Variants in PARP11 observed in about 807,000 individuals in gnomAD.
PARP11 encodes the protein protein mono-ADP-ribosyltransferase PARP11.
PARP11 carries 31 observed loss-of-function variants against 42.9 expected under a neutral mutation model. The observed-to-expected ratio is 0.72, with a 90% CI of 0.54 to 0.98. The LOEUF is 0.98. Ranked by LOEUF, PARP11 falls within the 50% of genes least tolerant of loss-of-function variation. PARP11 has a pLI of 0.00. For missense variants in PARP11, 365 were observed against 413.1 expected (o/e 0.88, Z 1.01); for synonymous variants, 137 against 127.3 (o/e 1.08, Z -0.51).
intron 3 of PARP11, among the ~76,000 whole-genome samples, chr12:3,826,951 C>A (rs1057395354): frequency 2.6e-5 from 4 of 152,174 alleles, no homozygotes; most frequent in African/African-American, 9.7e-5. Flanking sequence ...TAATTGACAT[C>A]ATTCCATTTC....
At chr12:3,833,910 G>A (rs931454301) in intron 1 of PARP11, among the ~76,000 whole-genome samples, 1 of 152,180 alleles carries the variant, frequency 6.6e-6, no homozygotes, top group African/African-American at 2.4e-5. Flanking sequence ...AGGGCAGGCT[G>A]CTGGTGTTTC....
At chr12:3,839,925 C>A in intron 1 of PARP11, 4 of 1,117,782 alleles carry the variant, frequency 3.6e-6, no homozygotes, top group Non-Finnish European at 5.5e-6. Flanking sequence ...AGGATGACAG[C>A]TGCAAGAGTA....
chr12:3,832,012 C>T (rs986794321), intron 1 of PARP11: 11 of 297,702 alleles, frequency 3.7e-5, no homozygotes, highest in African/African-American at 6.9e-5. Flanking sequence ...ATTTGCCTTA[C>T]GAGTTCTATC....
chr12:3,867,435 A>G (rs911473176), intron 1 of PARP11, among the ~76,000 whole-genome samples: 2 of 152,190 alleles, frequency 1.3e-5, no homozygotes, highest in African/African-American at 4.8e-5. Flanking sequence ...AAACAAAAAA[A>G]TTCTTCATAA....
intron 1 of PARP11, among the ~76,000 whole-genome samples, chr12:3,838,654 A>G (rs930636988): frequency 6.6e-6 from 1 of 152,258 alleles, no homozygotes; most frequent in Admixed American, 6.5e-5. Context: ...TAAAAGATCA[A>G]TGGTGCAAAA....
chr12:3,819,671 A>G (rs1947355735), intron 6 of PARP11, among the ~76,000 whole-genome samples: 1 of 152,176 alleles, frequency 6.6e-6, no homozygotes, highest in Non-Finnish European at 1.5e-5. Context: ...ATGGCATTCT[A>G]CTGTCCCAGG....
intron 6 of PARP11, among the ~76,000 whole-genome samples, chr12:3,821,142 T>A (rs1048381588): frequency 5.3e-5 from 8 of 152,240 alleles, no homozygotes; most frequent in Non-Finnish European, 7.3e-5. Flanking sequence ...ACTCTACTTT[T>A]GTGTTTATTT....
At chr12:3,870,481 G>A (rs770428348) in intron 1 of PARP11, among the ~76,000 whole-genome samples, 13 of 152,170 alleles carry the variant, frequency 8.5e-5, no homozygotes, top group Non-Finnish European at 1.6e-4. Flanking sequence ...AAGTATATAA[G>A]ACATTCATTA....
chr12:3,833,753 T>C (rs889223268), intron 1 of PARP11, among the ~76,000 whole-genome samples: 1 of 152,240 alleles, frequency 6.6e-6, no homozygotes, highest in Non-Finnish European at 1.5e-5. Flanking sequence ...TCAGAGTCTG[T>C]GGCGTTTGAG....
chr12:3,831,836 C>G (rs376626775), intron 1 of PARP11, among the ~76,000 whole-genome samples: 14 of 152,224 alleles, frequency 9.2e-5, no homozygotes, highest in African/African-American at 3.1e-4. Flanking sequence ...GTCCAGTAAA[C>G]TATTCACAAT....
chr12:3,822,946 C>G (rs1031277268), intron 4 of PARP11, among the ~76,000 whole-genome samples: 7 of 152,182 alleles, frequency 4.6e-5, no homozygotes, highest in African/African-American at 1.7e-4. Context: ...CCACTATTCT[C>G]TCCAACAGTC....
At chr12:3,849,276 C>T (rs1948052731) in intron 1 of PARP11, among the ~76,000 whole-genome samples, 1 of 151,936 alleles carries the variant, frequency 6.6e-6, no homozygotes, top group African/African-American at 2.4e-5. Context: ...AATAGAACTA[C>T]CATATTATCC....
In PARP11 at chr12:3,873,310, GC is replaced by G; in HGVS notation, c.-82del. On this transcript the variant is annotated 5_prime_UTR_variant, in exon 1 of 8. Transcript: ENST00000228820. ...TGGGTGTTGGATTTTTTTTTTTCCCGCGGGTCCCCGGGAGCGAAGGGACGGA... is the reference window on the plus strand; with the variant it reads ...TGGGTGTTGGATTTTTTTTTTTCCCGGGGTCCCCGGGAGCGAAGGGACGGA... 1 of 1,345,630 alleles carries G rather than the reference GC, an allele frequency of 7.4e-7. No homozygotes were observed. The highest frequency in any genetic ancestry group is 1.0e-6 in the Non-Finnish European group (1 of 961,188). 83.4% of individuals were successfully genotyped at this position (1,345,630 alleles called of 1,614,324 possible). A position where few individuals can be genotyped will look rare whatever the true frequency, so the allele number is the denominator to read the frequency against.
chr12:3,825,705 G>A (rs1335887780), intron 4 of PARP11, among the ~76,000 whole-genome samples: 3 of 152,052 alleles, frequency 2.0e-5, no homozygotes, highest in Non-Finnish European at 4.4e-5. Flanking sequence ...ACAAATGAGA[G>A]ATTTGATATT....
At chr12:3,821,776 T>C (rs529640543) in intron 6 of PARP11, 97 bp downstream of exon 6, 3 of 1,283,858 alleles carry the variant, frequency 2.3e-6, no homozygotes, top group African/African-American at 1.5e-5. Context: ...AAAAACAGCA[T>C]GTCTACACCA....
intron 1 of PARP11, among the ~76,000 whole-genome samples, chr12:3,838,066 A>C (rs1373629430): frequency 6.7e-6 from 1 of 149,418 alleles, no homozygotes; most frequent in East Asian, 1.9e-4. Flanking sequence ...ACAACAACAA[A>C]AACAAAAAAC....
chr12:3,841,638 T>C, intron 1 of PARP11: 1 of 1,613,674 alleles, frequency 6.2e-7, no homozygotes, highest in Non-Finnish European at 8.5e-7. Context: ...CTGGGCAGCT[T>C]CTGCATGCTG....
At chr12:3,838,542 T>G (rs975004512) in intron 1 of PARP11, among the ~76,000 whole-genome samples, 1 of 151,914 alleles carries the variant, frequency 6.6e-6, no homozygotes, top group African/African-American at 2.4e-5. Flanking sequence ...ATGCAGACCT[T>G]AAGGAACTAG....
chr12:3,866,924 A>G (rs1280075738), intron 1 of PARP11, among the ~76,000 whole-genome samples: 1 of 152,248 alleles, frequency 6.6e-6, no homozygotes, highest in Admixed American at 6.5e-5. Context: ...TGAGTGCTTT[A>G]GCATATATTT....
Sources: gnomAD v4.1 joint callset for allele counts (sites outside exome capture counted in the v4.1 genomes callset) on GRCh38, gnomAD v4.1.1 for gene constraint, MANE v1.5 for transcripts, NCBI Gene and HGNC (gene_info 2026-07-23, HGNC 2026-07-21) for gene names.